Variants in ZBTB7C observed in about 807,000 individuals in gnomAD.
The protein encoded by ZBTB7C is zinc finger and BTB domain-containing protein 7C.
Under a neutral mutation model 25.7 loss-of-function variants are expected in ZBTB7C, and 8 were observed. The observed-to-expected ratio is 0.31, with a 90% CI of 0.18 to 0.56. ZBTB7C has a LOEUF of 0.56. Ranked by LOEUF, ZBTB7C falls within the 20% of genes least tolerant of loss-of-function variation. ZBTB7C has a pLI of 0.91. For synonymous variants in ZBTB7C, 394 were observed against 369.0 expected (o/e 1.07, Z -0.78); for missense variants, 824 against 855.2 (o/e 0.96, Z 0.46).
upstream of ZBTB7C, among the ~76,000 whole-genome samples, chr18:48,411,551 C>G (rs959002502): frequency 1.3e-5 from 2 of 152,222 alleles, no homozygotes; most frequent in East Asian, 3.8e-4. Context: ...GCTGATATGG[C>G]CCCGCTTCTA....
chr18:48,097,643 C>T lies in ZBTB7C; in HGVS notation c.-16-56520G>A, dbSNP rs576443764. Among the ~76,000 whole-genome samples, 146 of 152,222 alleles carry T rather than the reference C, an allele frequency of 9.6e-4. 1 individual carries two copies. Among genetic ancestry groups the T allele is most frequent in the Middle Eastern group, 3.4e-3 (1 of 294 alleles). On this transcript the variant is annotated intron_variant, in intron 3 of 4. Transcript: ENST00000590800. ...GATTCCTGACCTCAGGTAATCTACCCGCCTTGGCCTCCCAAAGTGCTGGGA... is the reference window on the plus strand; with the variant it reads ...GATTCCTGACCTCAGGTAATCTACCTGCCTTGGCCTCCCAAAGTGCTGGGA...
chr18:48,070,226 C>T (rs2037491681), intron 3 of ZBTB7C, among the ~76,000 whole-genome samples: 1 of 152,322 alleles, frequency 6.6e-6, no homozygotes, highest in Admixed American at 6.5e-5. Context: ...ATAAAAGTGT[C>T]AGCCACAATG....
chr18:48,061,747 G>A (rs1463490253), intron 3 of ZBTB7C, among the ~76,000 whole-genome samples: 1 of 152,220 alleles, frequency 6.6e-6, no homozygotes, highest in Non-Finnish European at 1.5e-5. Context: ...GGGAATGTAA[G>A]TTCCTTGAGA....
chr18:48,165,326 C>A (rs937599062), intron 3 of ZBTB7C: 2 of 431,328 alleles, frequency 4.6e-6, no homozygotes, highest in Middle Eastern at 3.5e-4. Flanking sequence ...TCCGACGTAG[C>A]CCGTCCTTCA....
chr18:48,178,884 C>T (rs1290424336), intron 3 of ZBTB7C, among the ~76,000 whole-genome samples: 1 of 152,110 alleles, frequency 6.6e-6, no homozygotes, highest in Non-Finnish European at 1.5e-5. Context: ...TGCCAGGGCC[C>T]TCTGGGCAAG....
chr18:48,158,347 G>A (rs559963334), intron 3 of ZBTB7C, among the ~76,000 whole-genome samples: 136 of 152,294 alleles, frequency 8.9e-4, no homozygotes, highest in African/African-American at 3.1e-3. Flanking sequence ...ATGACCATGG[G>A]TCGGAATGAT....
chr18:48,327,028 T>C (rs1386404720), intron 2 of ZBTB7C, among the ~76,000 whole-genome samples: 2 of 152,174 alleles, frequency 1.3e-5, no homozygotes, highest in Admixed American at 1.3e-4. Flanking sequence ...GTTCCCACCC[T>C]CACATCAGCC....
chr18:48,310,306 T>G (rs564520088), intron 2 of ZBTB7C, among the ~76,000 whole-genome samples: 1 of 152,120 alleles, frequency 6.6e-6, no homozygotes, highest in African/African-American at 2.4e-5. Flanking sequence ...ATTAGGTTAT[T>G]GAGGAGCTTT....
At chr18:48,329,136 T>C (rs2046289549) in intron 2 of ZBTB7C, among the ~76,000 whole-genome samples, 1 of 152,158 alleles carries the variant, frequency 6.6e-6, no homozygotes, top group African/African-American at 2.4e-5. Context: ...CTCTCTAATA[T>C]AAAAATAATC....
intron 3 of ZBTB7C, chr18:48,137,150 A>G (rs2040196812): frequency 3.0e-6 from 3 of 985,256 alleles, no homozygotes; most frequent in Non-Finnish European, 3.6e-6. Context: ...GTGCTGGGCG[A>G]GTTAAGCCAT....
intron 2 of ZBTB7C, among the ~76,000 whole-genome samples, chr18:48,213,481 G>A (rs560573744): frequency 2.6e-5 from 4 of 152,270 alleles, no homozygotes; most frequent in Non-Finnish European, 5.9e-5. Context: ...GGTTTCTCCT[G>A]TGCGTGCTAG....
intron 2 of ZBTB7C, among the ~76,000 whole-genome samples, chr18:48,287,649 C>G (rs1038224587): frequency 4.6e-5 from 7 of 151,850 alleles, no homozygotes; most frequent in Non-Finnish European, 5.9e-5. Flanking sequence ...AATAAAGATG[C>G]AAAAATGGCT....
intron 1 of ZBTB7C, among the ~76,000 whole-genome samples, chr18:48,401,024 C>T (rs528621943): frequency 5.3e-5 from 8 of 152,120 alleles, no homozygotes; most frequent in Non-Finnish European, 8.8e-5. Context: ...CTCCTGAAGC[C>T]ACTGCATGAT....
chr18:48,319,472 G>T (rs1029641031), intron 2 of ZBTB7C, among the ~76,000 whole-genome samples: 19 of 152,078 alleles, frequency 1.2e-4, no homozygotes. Flanking sequence ...CACTATGGGG[G>T]GACGTAATGC....
chr18:48,111,223 A>T (rs1444647966), intron 3 of ZBTB7C, among the ~76,000 whole-genome samples: 2 of 152,054 alleles, frequency 1.3e-5, no homozygotes, highest in South Asian at 4.1e-4. Context: ...AGCTCCTCTT[A>T]TGGACCCTAG....
chr18:48,046,474 A>G (rs973842265), intron 3 of ZBTB7C, among the ~76,000 whole-genome samples: 6 of 152,374 alleles, frequency 3.9e-5, no homozygotes, highest in East Asian at 1.9e-4. Context: ...AGCCAAAGTC[A>G]GTAAAACCCC....
chr18:48,288,923 T>C (rs2045137920), intron 2 of ZBTB7C, among the ~76,000 whole-genome samples: 1 of 152,302 alleles, frequency 6.6e-6, no homozygotes, highest in Admixed American at 6.5e-5. Flanking sequence ...AAAAACCAAT[T>C]ATATTATTAT....
intron 3 of ZBTB7C, among the ~76,000 whole-genome samples, chr18:48,060,309 T>C (rs1221136261): frequency 6.6e-6 from 1 of 152,188 alleles, no homozygotes; most frequent in Non-Finnish European, 1.5e-5. Context: ...AGGCAGGGCA[T>C]GCAGGGAGCG....
At chr18:48,210,118 T>C (rs1228091419) in intron 2 of ZBTB7C, among the ~76,000 whole-genome samples, 1 of 152,194 alleles carries the variant, frequency 6.6e-6, no homozygotes, top group Non-Finnish European at 1.5e-5. Flanking sequence ...CATAATAAGA[T>C]ATCACTATCC....
Sources: allele counts gnomAD v4.1 joint callset (sites outside exome capture counted in the v4.1 genomes callset), GRCh38; gene constraint gnomAD v4.1.1; transcripts MANE v1.5; gene names NCBI Gene and HGNC (gene_info 2026-07-23, HGNC 2026-07-21).